HOXA3: variants seen among roughly 807,000 people sequenced by gnomAD.
The protein encoded by HOXA3 is homeobox protein Hox-A3.
A neutral mutation model predicts 30.3 loss-of-function variants in HOXA3; 8 were observed. The ratio of observed to expected loss-of-function variants is 0.26; its 90% confidence interval spans 0.15 to 0.48. The LOEUF is 0.48. Among genes scored for constraint, HOXA3 ranks in the 20% least tolerant of loss-of-function variants. The pLI is 0.99. For synonymous variants in HOXA3, 323 were observed against 273.1 expected (o/e 1.18, Z -1.80); for missense variants, 653 against 614.4 (o/e 1.06, Z -0.66).
chr7:27,139,412 G>T (rs550407626), intron 2 of HOXA3, among the ~76,000 whole-genome samples: 1 of 152,270 alleles, frequency 6.6e-6, no homozygotes, highest in South Asian at 2.1e-4. Context: ...CTTGCAACCC[G>T]GGGGCCCAGC....
Position 27,110,242 on chromosome 7 carries a change from GT to G in HOXA3, c.398del (p.Asn133ThrfsTer27). ...TGGCCGCGTTGGCAGGGGTAGGGTT[GT>G]TGCTGGCATTCTGAGGAGGGGAGGC... ...SSASPPQNAS[N>X]NPTPANAAKS... On this transcript the variant is annotated frameshift_variant, in exon 5 of 6. Coordinates refer to ENST00000612286, the MANE Select transcript of HOXA3 (RefSeq NM_153631.3). LOFTEE classifies it high-confidence loss of function. 6.2e-7 allele frequency: 1 copy of G among 1,613,514 alleles called. No individual in the cohort carries two copies. The highest frequency in any genetic ancestry group is 8.5e-7 in the Non-Finnish European group (1 of 1,179,916).
At chr7:27,117,166 T>C (rs532508216) in intron 4 of HOXA3, among the ~76,000 whole-genome samples, 1 of 152,302 alleles carries the variant, frequency 6.6e-6, no homozygotes, top group South Asian at 2.1e-4. Flanking sequence ...CAGTTTAACT[T>C]TCATCTGCCT....
rs932682804 is a variant in HOXA3 at position 27,127,053 on chromosome 7, G to A, written c.-372C>T. 6.6e-6 allele frequency: 1 copy of A among 151,978 alleles called. No homozygotes were observed. The highest frequency in any genetic ancestry group is 2.4e-5 in the African/African-American group (1 of 41,332). The allele number at this position is 151,978 out of a possible 1,614,324, so 9.4% of individuals were successfully genotyped here. A position where few individuals can be genotyped will look rare whatever the true frequency, so the allele number is the denominator to read the frequency against. ...CTCTCCTCCACAGACTTTTCCCAGA[G>A]AATGCCTTTCAGAATTGCTGTTGAA... On this transcript the variant is annotated 5_prime_UTR_variant, in exon 3 of 6. Transcript: ENST00000612286.
chr7:27,129,460 C>T (rs747298079), intron 2 of HOXA3: 4 of 1,614,154 alleles, frequency 2.5e-6, no homozygotes, highest in African/African-American at 1.3e-5. Context: ...GATGCGGCGC[C>T]GCCGGGTCAG....
rs926833918 is a variant in HOXA3, at chr7:27,152,424, G to A, written c.-630C>T. On this transcript the variant is annotated 5_prime_UTR_variant, in exon 1 of 6. Transcript: ENST00000612286. ...GGTTGCGAGTTGCAAAGCTGCTGCC[G>A]CGGCGCCGGGAACGGAGCGCGCCCA... 1.7e-6 allele frequency: 2 copies of A among 1,153,284 alleles called. No homozygotes were observed. Among genetic ancestry groups the A allele is most frequent in the African/African-American group, 1.7e-5 (1 of 60,328 alleles). 71.4% of individuals were successfully genotyped at this position (1,153,284 alleles called of 1,614,324 possible).
intron 1 of HOXA3, chr7:27,143,153 T>A: frequency 1.2e-6 from 2 of 1,609,398 alleles, no homozygotes; most frequent in Non-Finnish European, 1.7e-6. Context: ...GGCAGGGGCG[T>A]CCTCCTCGGC....
intron 1 of HOXA3, among the ~76,000 whole-genome samples, chr7:27,143,842 G>A (rs1015491918): frequency 2.0e-5 from 3 of 152,074 alleles, no homozygotes; most frequent in Admixed American, 2.0e-4. Flanking sequence ...GAGTTGGGTG[G>A]AGGCGAGGGG....
chr7:27,139,685 G>C (rs913558961), intron 2 of HOXA3, among the ~76,000 whole-genome samples: 2 of 152,056 alleles, frequency 1.3e-5, no homozygotes, highest in Non-Finnish European at 2.9e-5. Context: ...CCCGACCCCA[G>C]GGCTCCGCGA....
In HOXA3 at chr7:27,113,116, T is replaced by C. The variant is rs186785220; in HGVS notation, c.-120-2356A>G. On this transcript the variant is annotated intron_variant, in intron 4 of 5. Coordinates refer to ENST00000612286, the MANE Select transcript of HOXA3 (RefSeq NM_153631.3). This position sits in a 1 kb window ranked among gnomAD's most constrained non-coding sequence, Gnocchi z 4.8. ...TTGCCAGCCAGGAAACTTTGCTCTG[T>C]ACCGCCAAGCAAGGGCTGGGGATGA... is the stretch of plus-strand genomic sequence containing the variant. Among the ~76,000 whole-genome samples the C allele has an allele frequency of 4.5e-4, 69 of 152,238 alleles. 1 individual carries two copies. Among genetic ancestry groups the C allele is most frequent in the African/African-American group, 1.6e-3 (68 of 41,528 alleles).
At chr7:27,144,884 C>G (rs1482161005) in intron 1 of HOXA3, among the ~76,000 whole-genome samples, 1 of 152,206 alleles carries the variant, frequency 6.6e-6, no homozygotes, top group Non-Finnish European at 1.5e-5. Flanking sequence ...GGCCCTGGGC[C>G]CCTCGTTGGG....
rs764670840 is a variant in HOXA3, at chr7:27,130,620, CCCGCCCGGGCCGCCGTCTGCG to C, written c.-389-3571_-389-3551del. On this transcript the variant is annotated intron_variant, in intron 2 of 5. Coordinates refer to ENST00000612286, the MANE Select transcript of HOXA3 (RefSeq NM_153631.3). ...CTGGGGGCTGCTGGTAGCCGGGGCC[CCCGCCCGGGCCGCCGTCTGCG>C]CCGCCCGAGCCGCTGTGCTGCGCGT... 5 of 1,560,272 alleles carry C rather than the reference CCCGCCCGGGCCGCCGTCTGCG, an allele frequency of 3.2e-6. No individual in the cohort carries two copies. In the South Asian group the frequency reaches 5.8e-5, roughly 18 times the overall value.
chr7:27,149,644 A>G (rs1284084568), intron 1 of HOXA3, among the ~76,000 whole-genome samples: 1 of 152,266 alleles, frequency 6.6e-6, no homozygotes, highest in African/African-American at 2.4e-5. Context: ...TTTACTTTGC[A>G]TATAAAGCAG....
chr7:27,118,973 A>G (rs1263265326), intron 4 of HOXA3, among the ~76,000 whole-genome samples: 1 of 152,216 alleles, frequency 6.6e-6, no homozygotes, highest in Non-Finnish European at 1.5e-5. Flanking sequence ...ACTAGGAAAG[A>G]TGTGCTTGGC....
intron 1 of HOXA3, chr7:27,140,411 G>A (rs1259347880): frequency 6.6e-6 from 1 of 152,178 alleles, no homozygotes; most frequent in Non-Finnish European, 1.5e-5. Context: ...CGGAACTGGG[G>A]CTTATAAAGT....
chr7:27,108,815 A>G lies in HOXA3; in HGVS notation c.527-95T>C. On this transcript the variant is annotated intron_variant, in intron 5 of 5. Coordinates refer to ENST00000612286, the MANE Select transcript of HOXA3 (RefSeq NM_153631.3). The surrounding 1 kb of genome is among the most constrained non-coding windows in gnomAD (Gnocchi z 5.0). ...CGGCCCCTCCTTCCACCAGGCCCCA[A>G]AGGTTCCTGCATCCGTCAGGTCCCA... 1.1e-6 allele frequency: 1 copy of G among 900,966 alleles called. No homozygotes were observed. The highest frequency in any genetic ancestry group is 1.7e-5 in the African/African-American group (1 of 59,676). 55.8% of individuals were successfully genotyped at this position (900,966 alleles called of 1,614,324 possible).
rs765608621 is a variant in HOXA3 at position 27,108,140 on chromosome 7, G to GC, written c.1106dup (p.Ser370GlnfsTer150). The GC allele has an allele frequency of 1.3e-6, 2 of 1,591,404 alleles. No homozygotes were observed. Among genetic ancestry groups the GC allele is most frequent in the Non-Finnish European group, 8.6e-7 (1 of 1,165,898 alleles). On this transcript the variant is annotated frameshift_variant, in exon 6 of 6. Coordinates refer to ENST00000612286, the MANE Select transcript of HOXA3 (RefSeq NM_153631.3). LOFTEE classifies it high-confidence loss of function. This position sits in a 1 kb window ranked among gnomAD's most constrained non-coding sequence, Gnocchi z 5.0. ...AGTTGCTCATGGGCTCCACATAGCTGCCCCCCACGAAGACGGGGCTTCCCT... is the reference window on the plus strand; with the variant it reads ...AGTTGCTCATGGGCTCCACATAGCTGCCCCCCCACGAAGACGGGGCTTCCCT...
intron 1 of HOXA3, chr7:27,145,335 A>G: frequency 2.8e-6 from 1 of 360,744 alleles, no homozygotes; most frequent in Middle Eastern, 7.5e-4. Flanking sequence ...GGAGCCCCAG[A>G]CGCATTCAGG....
chr7:27,144,024 C>T (rs1782667994), intron 1 of HOXA3, among the ~76,000 whole-genome samples: 1 of 152,236 alleles, frequency 6.6e-6, no homozygotes, highest in Admixed American at 6.5e-5. Context: ...GCATTTCCCT[C>T]GCAGTTCCAT....
chr7:27,147,460 C>T lies in HOXA3; in HGVS notation c.-494+4828G>A, dbSNP rs777488927. 5 of 1,614,226 alleles carry T rather than the reference C, an allele frequency of 3.1e-6. 1 individual carries two copies. The South Asian group carries it at 5.5e-5, about 18-fold the overall frequency. On this transcript the variant is annotated intron_variant, in intron 1 of 5. Transcript: ENST00000612286. ...AAAGTGCAGGTAGTCCCCGGGGCCC[C>T]TCTGCTTGCCACTGCCCGAGGGCGA...
Sources: gnomAD v4.1 joint callset for allele counts (sites outside exome capture counted in the v4.1 genomes callset) on GRCh38, gnomAD v4.1.1 for gene constraint, Gnocchi (gnomAD v3.1) non-coding constraint, MANE v1.5 for transcripts, NCBI Gene and HGNC (gene_info 2026-07-23, HGNC 2026-07-21) for gene names.